Variants in SLC4A2 observed in about 807,000 individuals in gnomAD.
The protein encoded by SLC4A2 is anion exchange protein 2.
SLC4A2 carries 36 observed loss-of-function variants against 115.0 expected under a neutral mutation model. The ratio of observed to expected loss-of-function variants is 0.31; its 90% CI spans 0.24 to 0.41. The LOEUF is 0.41. Among genes scored for constraint, SLC4A2 ranks in the 10% least tolerant of loss-of-function variants. The pLI, the probability that SLC4A2 is intolerant of heterozygous loss-of-function variation, is 1.00. For missense variants in SLC4A2, 1,252 were observed against 1,705.6 expected, an observed-to-expected ratio of 0.73 and a Z score of 4.68; for synonymous variants, 708 against 708.3, an observed-to-expected ratio of 1.00 and a Z score of 0.01.
Position 151,072,822 on chromosome 7 carries a change from C to G in SLC4A2, c.2535+686C>G, listed in dbSNP as rs555911270. On this transcript the variant is annotated intron_variant, in intron 16 of 22. Transcript: ENST00000413384. ...TACAGGCACACGCCACCATGCCCGG[C>G]TAAATTTTTTGTATTTTTTTAGTAG... Among the ~76,000 whole-genome samples the G allele has an allele frequency of 2.0e-5, 3 of 152,016 alleles. No individual in the cohort carries two copies. In the South Asian group the frequency reaches 6.2e-4, roughly 32 times the overall value.
chr7:151,075,518 C>T lies in SLC4A2; in HGVS notation c.3301+10C>T, dbSNP rs201544003. Reference sequence around the variant, plus strand: ...GTTGCCCTGCTTGTGGGTACGTTGCCTCTTGCCTTTCCCTTCCCAGTGGAT... The same window carrying T: ...GTTGCCCTGCTTGTGGGTACGTTGCTTCTTGCCTTTCCCTTCCCAGTGGAT... On this transcript the variant is annotated intron_variant, in intron 20 of 22. Transcript: ENST00000413384. 176 of 1,596,574 alleles carry T rather than the reference C, an allele frequency of 1.1e-4. 1 individual carries two copies. The East Asian group carries it at 1.7e-3, about 16-fold the overall frequency.
At chr7:151,068,202 G>T (rs566461317) in intron 8 of SLC4A2, 148 bp downstream of exon 8, 2 of 550,330 alleles carry the variant, frequency 3.6e-6, no homozygotes, top group Non-Finnish European at 5.8e-6. Context: ...TTGCATTTTC[G>T]GCCAGCAGCT....
chr7:151,074,155 C>G lies in SLC4A2; in HGVS notation c.2652C>G (p.Ser884Arg). Residue 884 changes from serine (S) to arginine (R), a missense_variant, in exon 17 of 23, where the codon AGC (serine) becomes AGG (arginine). Physicochemically the swap from Ser to Arg is moderately radical, Grantham distance 110 (BLOSUM62 -1). Transcript: ENST00000413384. ...CCACGCTGGGGCCGGGCAACAGGAG[C>G]TTGGCTGGGCAGTCTGGGCAGGGGA... Reference protein sequence around the residue: ...ARPTLGPGNRSLAGQSGQGKP... With the variant: ...ARPTLGPGNRRLAGQSGQGKP... 1 of 1,612,830 alleles carries G rather than the reference C, an allele frequency of 6.2e-7. No homozygotes were observed. The highest frequency in any genetic ancestry group is 8.5e-7 in the Non-Finnish European group (1 of 1,179,962).
chr7:151,075,996 C>T lies in SLC4A2; in HGVS notation c.3472-17C>T. ...AGGCTAGGGAGGAAGCTGGGCTCAC[C>T]TGTCTCCGCCCCCCAGGTCCGGACC... On this transcript the variant is annotated splice_polypyrimidine_tract_variant and intron_variant, in intron 21 of 22. Coordinates refer to ENST00000413384, the MANE Select transcript of SLC4A2 (RefSeq NM_003040.4). 6.4e-7 allele frequency: 1 copy of T among 1,567,930 alleles called. No individual in the cohort carries two copies. The highest frequency in any genetic ancestry group is 1.2e-5 in the South Asian group (1 of 84,536).
At chr7:151,074,519 G>C in intron 18 of SLC4A2, 31 bp downstream of exon 18, 1 of 1,608,848 alleles carries the variant, frequency 6.2e-7, no homozygotes, top group Non-Finnish European at 8.5e-7. Flanking sequence ...GGCAAGTGCT[G>C]CTGCCTCTGC....
rs751831691 is a variant in SLC4A2 at position 151,071,463 on chromosome 7, G to A, written c.2049G>A (p.Gly683=). 6.2e-6 allele frequency: 10 copies of A among 1,610,760 alleles called. No homozygotes were observed. The highest frequency in any genetic ancestry group is 8.5e-6 in the Non-Finnish European group (10 of 1,179,892). ...DPLRRTGRPF[G]GLIRDVRRRY... ...TTCGGCGGACGGGGCGGCCCTTTGG[G>A]GGGCTGATCCGAGATGTGCGGCGCC... Residue 683 remains glycine, a synonymous_variant, in exon 14 of 23, where the codon GGG becomes GGA. Coordinates refer to ENST00000413384, the MANE Select transcript of SLC4A2 (RefSeq NM_003040.4). The surrounding 1 kb of genome is among the most constrained non-coding windows in gnomAD (Gnocchi z 5.5).
rs953162431 is a variant in SLC4A2, at chr7:151,071,364, C to T, written c.1976-26C>T. The T allele has an allele frequency of 7.0e-6, 11 of 1,560,540 alleles. No individual in the cohort carries two copies. Among genetic ancestry groups the T allele is most frequent in the Non-Finnish European group, 8.6e-6 (10 of 1,157,634 alleles). ...GTGAGGTGGGCAAGAGGGGCTGGGG[C>T]GCCCTGACGGAGGCCTGGGTTGCAG... On this transcript the variant is annotated intron_variant, in intron 13 of 22. Coordinates refer to ENST00000413384, the MANE Select transcript of SLC4A2 (RefSeq NM_003040.4). The surrounding 1 kb of genome is among the most constrained non-coding windows in gnomAD (Gnocchi z 5.5).
At chr7:151,072,286 T>C (rs1797468059) in intron 16 of SLC4A2, 150 bp downstream of exon 16, 1 of 622,442 alleles carries the variant, frequency 1.6e-6, no homozygotes, top group African/African-American at 1.8e-5. Flanking sequence ...GGCTGCAGAT[T>C]ACTCTTTTAA....
Position 151,076,111 on chromosome 7 carries a change from C to T in SLC4A2, c.3570C>T (p.Pro1190=). The change falls in exon 22 of 23, where the codon CCC becomes CCT. Residue 1190 remains proline (P), a synonymous_variant. Coordinates refer to ENST00000413384, the MANE Select transcript of SLC4A2 (RefSeq NM_003040.4). Reference sequence around the variant, plus strand: ...CCACAGCTGCCTCCCTGGCCTTCCCCTTCATCCTCATCCTCACAGTGCCGC... The same window carrying T: ...CCACAGCTGCCTCCCTGGCCTTCCCTTTCATCCTCATCCTCACAGTGCCGC... ...VMSTAASLAF[P]FILILTVPLR... is the part of the protein sequence containing the mutation. The T allele has an allele frequency of 6.2e-7, 1 of 1,611,090 alleles. No individual in the cohort carries two copies. Among genetic ancestry groups the T allele is most frequent in the South Asian group, 1.1e-5 (1 of 91,088 alleles).
rs1276320002 is a variant in SLC4A2, at chr7:151,064,926, C to A, written c.538C>A (p.Gln180Lys). 6.2e-7 allele frequency: 1 copy of A among 1,613,734 alleles called. No individual in the cohort carries two copies. Among genetic ancestry groups the A allele is most frequent in the East Asian group, 2.2e-5 (1 of 44,886 alleles). ...ATCTTCCCCTGCACCACTGCCCCAC[C>A]AGGAGGCGACTCCTCGGGCCTCCAA... The part of the protein sequence containing the change: ...SPSSPAPLPH[Q>K]EATPRASKGA... The change falls in exon 5 of 23, where the codon CAG becomes AAG. Residue 180 changes from glutamine to lysine, a missense_variant. Gln to Lys is a moderately conservative substitution (Grantham distance 53). Around this residue, in one of 14 missense-constraint regions of SLC4A2, gnomAD observed 215 missense variants for 205.2 expected, o/e 1.05. Coordinates refer to ENST00000413384, the MANE Select transcript of SLC4A2 (RefSeq NM_003040.4).
chr7:151,068,345 G>A (rs1480936939), intron 8 of SLC4A2, among the ~76,000 whole-genome samples: 1 of 152,144 alleles, frequency 6.6e-6, no homozygotes, highest in African/African-American at 2.4e-5. Flanking sequence ...TGTGGAATGT[G>A]ATCTAATCTG....
rs374420363 is a variant in SLC4A2 at position 151,070,193 on chromosome 7, T to C, written c.1296T>C (p.Asp432=). 1.2e-6 allele frequency: 2 copies of C among 1,614,142 alleles called. No individual in the cohort carries two copies. Among genetic ancestry groups the C allele is most frequent in the South Asian group, 1.1e-5 (1 of 91,088 alleles). The change falls in exon 10 of 23, where the codon GAT becomes GAC. Residue 432 remains aspartate, a synonymous_variant. Transcript: ENST00000413384. ...TCTGCCCCACCAGCCACCCAAGTGA[T>C]GAGAAGGACTTCTCCTTCCCCCGCA... The part of the protein sequence containing the change: ...ALLLKHSHPS[D]EKDFSFPRNI...
chr7:151,076,228 C>A, intron 22 of SLC4A2, 42 bp downstream of exon 22: 3 of 1,605,454 alleles, frequency 1.9e-6, no homozygotes, highest in Non-Finnish European at 2.6e-6. Context: ...TCTTGCCTCC[C>A]TGTGGATCTG....
intron 8 of SLC4A2, among the ~76,000 whole-genome samples, chr7:151,069,693 C>G (rs1431886633): frequency 6.6e-6 from 1 of 152,022 alleles, no homozygotes; most frequent in African/African-American, 2.4e-5. Flanking sequence ...GATGGCCTCT[C>G]TGGTCACTGA....
chr7:151,075,568 G>A, intron 20 of SLC4A2, 38 bp from the exon 21 acceptor site: 1 of 1,586,528 alleles, frequency 6.3e-7, no homozygotes, highest in Non-Finnish European at 8.5e-7. Flanking sequence ...GGGGCCAGGG[G>A]ACCCCGGGGC....
chr7:151,065,192 T>C (rs1253091574), intron 5 of SLC4A2, among the ~76,000 whole-genome samples: 1 of 152,110 alleles, frequency 6.6e-6, no homozygotes, highest in Non-Finnish European at 1.5e-5. Context: ...CTGTAGGGAT[T>C]AAGGGTGGTG....
rs913021103 is a variant in SLC4A2 at position 151,075,103 on chromosome 7, G to T, written c.3048-152G>T. The T allele has an allele frequency of 1.1e-5, 13 of 1,170,356 alleles. No homozygotes were observed. The East Asian group carries it at 3.1e-4, about 27-fold the overall frequency. 72.5% of individuals were successfully genotyped at this position (1,170,356 alleles called of 1,614,324 possible). On this transcript the variant is annotated intron_variant, in intron 19 of 22. Coordinates refer to ENST00000413384, the MANE Select transcript of SLC4A2 (RefSeq NM_003040.4). ...GATAAGGGCTGGGGGCCCAGGTTTT[G>T]CTCTGTAACGGAATTTGAATCCTGA...
chr7:151,072,149 C>T lies in SLC4A2; in HGVS notation c.2535+13C>T. The stretch of plus-strand genomic sequence containing the variant: ...CAAGCTGGTGAAGGTGGGCAGGCCC[C>T]TGCCGAGAGCTGGGCCAGGAGGGCC... On this transcript the variant is annotated intron_variant, in intron 16 of 22. Coordinates refer to ENST00000413384, the MANE Select transcript of SLC4A2 (RefSeq NM_003040.4). 1 of 1,609,376 alleles carries T rather than the reference C, an allele frequency of 6.2e-7. No homozygotes were observed. The highest frequency in any genetic ancestry group is 8.5e-7 in the Non-Finnish European group (1 of 1,176,580).
chr7:151,067,570 T>G (rs1797277843), intron 7 of SLC4A2, among the ~76,000 whole-genome samples: 1 of 152,268 alleles, frequency 6.6e-6, no homozygotes. Flanking sequence ...TCATATACAG[T>G]GGCCATTTCT....
Sources: gnomAD v4.1 joint callset for allele counts (sites outside exome capture counted in the v4.1 genomes callset) on GRCh38, gnomAD v4.1.1 for gene constraint, gnomAD v4.1.1 regional missense constraint, Gnocchi (gnomAD v3.1) non-coding constraint, MANE v1.5 for transcripts, NCBI Gene and HGNC (gene_info 2026-07-23, HGNC 2026-07-21) for gene names.